The following ACOT1 variants were observed in gnomAD, a reference collection of about 807,000 sequenced individuals.
ACOT1 encodes the protein acyl-coenzyme A thioesterase 1.
A neutral mutation model predicts 15.7 loss-of-function variants in ACOT1; 8 were observed. That is an observed-to-expected ratio of 0.51 (90% CI 0.30 to 0.92). The LOEUF is 0.92. Ranked by LOEUF, ACOT1 falls within the 40% of genes least tolerant of loss-of-function variation. The pLI is 0.06. For missense variants in ACOT1, 151 were observed against 539.4 expected, an observed-to-expected ratio of 0.28 and a Z score of 7.13; for synonymous variants, 67 against 241.2, an observed-to-expected ratio of 0.28 and a Z score of 6.69.
At chr14:73,491,524 G>A in the ACOT1 span, 1 of 1,523,418 alleles carries the variant, frequency 6.6e-7, no homozygotes, top group Non-Finnish European at 8.8e-7. Flanking sequence ...CGGCGTCGGG[G>A]CCGCAGGTGG....
At chr14:73,491,114 C>T in the ACOT1 span, 70 of 1,606,850 alleles carry the variant, frequency 4.4e-5, 1 homozygote, top group South Asian at 1.5e-4. Context: ...CCTGGCCCTG[C>T]CCTTGAGGTC....
chr14:73,513,982 G>A, the ACOT1 span: 1 of 1,570,172 alleles, frequency 6.4e-7, no homozygotes, highest in East Asian at 2.2e-5. Context: ...TCCCAGATGA[G>A]AACCACTTCT....
At chr14:73,512,254 G>C in the ACOT1 span, 1 of 1,284,632 alleles carries the variant, frequency 7.8e-7, no homozygotes, top group Non-Finnish European at 1.1e-6. Context: ...AATAATTCAA[G>C]CAAAACATTA....
the ACOT1 span, among the ~76,000 whole-genome samples, chr14:73,519,370 G>T: frequency 6.8e-6 from 1 of 147,904 alleles, no homozygotes; most frequent in Non-Finnish European, 1.5e-5. Context: ...GTCTGTGGGG[G>T]AAAAAAAAAA....
the ACOT1 span, among the ~76,000 whole-genome samples, chr14:73,505,801 T>C: frequency 6.6e-6 from 1 of 151,790 alleles, no homozygotes; most frequent in Non-Finnish European, 1.5e-5. Flanking sequence ...TGATCTTTGA[T>C]GAAGAACCAA....
At chr14:73,531,423 CTTTT>C in the ACOT1 span, among the ~76,000 whole-genome samples, 1 of 93,566 alleles carries the variant, frequency 1.1e-5, no homozygotes, top group African/African-American at 3.4e-5. Context: ...AGTTTTTCGT[CTTTT>C]TTTTTTTTTT....
the ACOT1 span, among the ~76,000 whole-genome samples, chr14:73,525,954 A>T: frequency 8.1e-5 from 1 of 12,414 alleles, no homozygotes; most frequent in African/African-American, 1.6e-4. Context: ...CTCCTTATTT[A>T]AAAAAAAAAA....
chr14:73,512,536 C>T, the ACOT1 span, among the ~76,000 whole-genome samples: 1 of 152,254 alleles, frequency 6.6e-6, no homozygotes, highest in East Asian at 1.9e-4. Flanking sequence ...AACCCTGAGC[C>T]TGAGATTTCT....
At chr14:73,511,884 C>A in the ACOT1 span, 1 of 1,194,374 alleles carries the variant, frequency 8.4e-7, no homozygotes, top group South Asian at 1.4e-5. Context: ...AGGCCAGTCT[C>A]TAAGTCTTGG....
At chr14:73,521,324 C>CT in the ACOT1 span, among the ~76,000 whole-genome samples, 139 of 152,184 alleles carry the variant, frequency 9.1e-4, no homozygotes, top group African/African-American at 3.2e-3. Flanking sequence ...CAGCATAACC[C>CT]TTTTTTAACA....
the ACOT1 span, chr14:73,503,102 T>A: frequency 3.0e-6 from 3 of 1,015,384 alleles, no homozygotes; most frequent in South Asian, 2.6e-5. Context: ...CTTTTTTTAC[T>A]CATCACTGTA....
intron 2 of ACOT1, 118 bp downstream of exon 2, chr14:73,541,813 C>G (rs1291208223): frequency 1.5e-6 from 1 of 679,008 alleles, no homozygotes; most frequent in African/African-American, 1.9e-5. Flanking sequence ...ACACACACTA[C>G]CTTTTTTAGT....
intron 1 of ACOT1, among the ~76,000 whole-genome samples, chr14:73,540,693 T>C (rs1889047082): frequency 8.2e-6 from 1 of 121,750 alleles, no homozygotes; most frequent in Admixed American, 8.9e-5. Flanking sequence ...TTTGCGGGTA[T>C]CAGCACTGAA....
chr14:73,535,469 CTTTTTTTTTTTTTTTTTTTTTTTTTTTT>C (rs869167008), upstream of ACOT1, among the ~76,000 whole-genome samples: 3 of 16,538 alleles, frequency 1.8e-4, no homozygotes, highest in Non-Finnish European at 2.8e-4. Context: ...TTTCTTCTTT[CTTTTTTTTTTTTTTTTTTTTTTTTTTTT>C]TTTTTTTTTT....
At chr14:73,537,011 T>A, upstream of ACOT1, 1 of 125,278 alleles carries the variant, frequency 8.0e-6, no homozygotes, top group Non-Finnish European at 1.6e-5. Context: ...TGAGACGGAC[T>A]TTCGCTCTGT....
chr14:73,511,869 T>TAAGC, the ACOT1 span: 1 of 932,560 alleles, frequency 1.1e-6, no homozygotes, highest in Non-Finnish European at 1.6e-6. Flanking sequence ...TAAGCATGTA[T>TAAGC]ATATAGGCCA....
At chr14:73,541,441 C>A in intron 1 of ACOT1, 52 bp from the exon 2 acceptor site, 1 of 1,213,876 alleles carries the variant, frequency 8.2e-7, no homozygotes, top group Non-Finnish European at 1.1e-6. Flanking sequence ...AGAAACCATC[C>A]AACTGTTTCA....
the ACOT1 span, chr14:73,519,215 T>C: frequency 4.1e-5 from 64 of 1,546,762 alleles, no homozygotes; most frequent in Non-Finnish European, 5.3e-5. Context: ...CTATTTCCTT[T>C]CTCCCTGGGT....
At chr14:73,498,471 G>A in the ACOT1 span, 2 of 792,946 alleles carry the variant, frequency 2.5e-6, no homozygotes, top group Admixed American at 2.8e-5. Context: ...GAATTTTAGG[G>A]ATAGGTCAGA....
Sources: allele counts gnomAD v4.1 joint callset (sites outside exome capture counted in the v4.1 genomes callset), GRCh38; gene constraint gnomAD v4.1.1; transcripts MANE v1.5; gene names NCBI Gene and HGNC (gene_info 2026-07-23, HGNC 2026-07-21).